KIRREL3: variants seen among roughly 807,000 people sequenced by gnomAD.
KIRREL3 encodes kin of IRRE-like protein 3.
A neutral mutation model predicts 89.7 loss-of-function variants in KIRREL3; 36 were observed. The observed-to-expected ratio is 0.40, with a 90% CI of 0.31 to 0.53. The LOEUF (loss-of-function observed/expected upper bound fraction) is 0.53. Ranked by LOEUF, KIRREL3 falls within the 20% of genes least tolerant of loss-of-function variation. The pLI is 0.49. For synonymous variants in KIRREL3, 445 were observed against 441.4 expected (o/e 1.01, Z -0.10); for missense variants, 864 against 1,056.6 (o/e 0.82, Z 2.53).
chr11:126,602,037 A>G (rs1942681058), intron 1 of KIRREL3, among the ~76,000 whole-genome samples: 1 of 152,136 alleles, frequency 6.6e-6, no homozygotes, highest in South Asian at 2.1e-4. Flanking sequence ...CATGATCAAC[A>G]CCTCGCAGGA....
Position 126,564,635 on chromosome 11 carries a change from G to A in KIRREL3, c.56-1723C>T, listed in dbSNP as rs1055212935. ...CAGGCACCCAAATTGACGATGTTAAGTTCCCTCATTCAAGGCCTTGGCCCT... is the reference window on the plus strand; with the variant it reads ...CAGGCACCCAAATTGACGATGTTAAATTCCCTCATTCAAGGCCTTGGCCCT... On this transcript the variant is annotated intron_variant, in intron 1 of 16. Coordinates refer to ENST00000525144, the MANE Select transcript of KIRREL3 (RefSeq NM_032531.4). The surrounding 1 kb of genome is among the most constrained non-coding windows in gnomAD (Gnocchi z 7.4). 3.3e-5 allele frequency among the ~76,000 whole-genome samples: 5 copies of A among 152,222 alleles called. No individual in the cohort carries two copies. Among genetic ancestry groups the A allele is most frequent in the African/African-American group, 7.2e-5 (3 of 41,452 alleles).
chr11:126,721,782 A>G (rs1948182031), intron 1 of KIRREL3, among the ~76,000 whole-genome samples: 1 of 152,156 alleles, frequency 6.6e-6, no homozygotes, highest in Admixed American at 6.5e-5. Context: ...AAGGATGATA[A>G]CAGGGTGCGT....
chr11:126,670,017 C>G (rs1184776204), intron 1 of KIRREL3, among the ~76,000 whole-genome samples: 10 of 152,312 alleles, frequency 6.6e-5, no homozygotes, highest in African/African-American at 2.4e-4. Flanking sequence ...ATTCCTTCTC[C>G]CAGCACATTC....
chr11:126,799,769 T>A (rs1950973302), intron 1 of KIRREL3, among the ~76,000 whole-genome samples: 1 of 152,008 alleles, frequency 6.6e-6, no homozygotes, highest in Non-Finnish European at 1.5e-5. Flanking sequence ...TAACTTCCAG[T>A]AGAATAATGG....
chr11:126,901,529 C>T lies in KIRREL3; in HGVS notation c.55+98926G>A, dbSNP rs149653682. On this transcript the variant is annotated intron_variant, in intron 1 of 16. Transcript: ENST00000525144. ...AGCACAGGAACAATTCAGTGAGCAA[C>T]GATGGAGGATACTGTCTGCAGAAAG... Among the ~76,000 whole-genome samples, 791 of 152,190 alleles carry T rather than the reference C, an allele frequency of 5.2e-3. 4 individuals carry two copies. Among genetic ancestry groups the T allele is most frequent in the Non-Finnish European group, 8.6e-3 (584 of 68,016 alleles).
intron 1 of KIRREL3, among the ~76,000 whole-genome samples, chr11:126,856,633 T>C (rs1592231441): frequency 6.6e-6 from 1 of 150,760 alleles, no homozygotes; most frequent in African/African-American, 2.4e-5. Flanking sequence ...TTTTTTTCTT[T>C]GAGACCGAGT....
chr11:126,853,534 T>G (rs1340601790), intron 1 of KIRREL3, among the ~76,000 whole-genome samples: 1 of 152,250 alleles, frequency 6.6e-6, no homozygotes, highest in African/African-American at 2.4e-5. Context: ...TTTATCATTT[T>G]GTCAATTTTA....
intron 1 of KIRREL3, among the ~76,000 whole-genome samples, chr11:126,596,213 A>G (rs1315985676): frequency 6.6e-6 from 1 of 152,214 alleles, no homozygotes; most frequent in Admixed American, 6.5e-5. Context: ...GTTCATGCCC[A>G]TGGAGCAACC....
At chr11:127,001,354 C>T (rs1950312353), upstream of KIRREL3, among the ~76,000 whole-genome samples, 2 of 146,040 alleles carry the variant, frequency 1.4e-5, no homozygotes, top group African/African-American at 2.6e-5. Flanking sequence ...ACATTTGGAT[C>T]TTAGTTTGCT....
intron 1 of KIRREL3, among the ~76,000 whole-genome samples, chr11:126,902,332 A>G (rs1946406001): frequency 6.6e-6 from 1 of 152,240 alleles, no homozygotes; most frequent in Non-Finnish European, 1.5e-5. Context: ...GAGGAAGAGG[A>G]TCCCATTGCT....
At position 126,530,798 on chromosome 11, in the gene KIRREL3, C is replaced by A. The variant is rs1958919038; in HGVS notation, c.134-4111G>T. 2.0e-5 allele frequency among the ~76,000 whole-genome samples: 3 copies of A among 152,158 alleles called. No homozygotes were observed. The highest frequency in any genetic ancestry group is 7.2e-5 in the African/African-American group (3 of 41,432). ...TTCCCCTGGTGTGAAGCCTTGGCGG[C>A]CGGTGCAATCTCCCCTTCCCATACT... On this transcript the variant is annotated intron_variant, in intron 2 of 16. Transcript: ENST00000525144. The surrounding 1 kb of genome is among the most constrained non-coding windows in gnomAD (Gnocchi z 5.8).
In KIRREL3 at chr11:126,948,973, A is replaced by G. The variant is rs114385397; in HGVS notation, c.55+51482T>C. 5.1e-3 allele frequency among the ~76,000 whole-genome samples: 781 copies of G among 152,372 alleles called. 6 individuals carry two copies. Among genetic ancestry groups the G allele is most frequent in the African/African-American group, 0.017 (708 of 41,592 alleles). Reference sequence around the variant, plus strand: ...AAACATGCACTGCTCCAGGAAAAGCACCAGGCACAGAGCAAGTGTTTAAAA... The same window carrying G: ...AAACATGCACTGCTCCAGGAAAAGCGCCAGGCACAGAGCAAGTGTTTAAAA... On this transcript the variant is annotated intron_variant, in intron 1 of 16. Coordinates refer to ENST00000525144, the MANE Select transcript of KIRREL3 (RefSeq NM_032531.4). This position sits in a 1 kb window ranked among gnomAD's most constrained non-coding sequence, Gnocchi z 4.5.
At chr11:126,852,673 T>C (rs1944382169) in intron 1 of KIRREL3, among the ~76,000 whole-genome samples, 1 of 152,188 alleles carries the variant, frequency 6.6e-6, no homozygotes, top group South Asian at 2.1e-4. Flanking sequence ...CATATACAAA[T>C]TTAAGACATT....
In KIRREL3 at chr11:126,530,753, T is replaced by G. The variant is rs927795332; in HGVS notation, c.134-4066A>C. Among the ~76,000 whole-genome samples the G allele has an allele frequency of 6.6e-6, 1 of 152,180 alleles. No homozygotes were observed. Among genetic ancestry groups the G allele is most frequent in the African/African-American group, 2.4e-5 (1 of 41,440 alleles). On this transcript the variant is annotated intron_variant, in intron 2 of 16. Coordinates refer to ENST00000525144, the MANE Select transcript of KIRREL3 (RefSeq NM_032531.4). The surrounding 1 kb of genome is among the most constrained non-coding windows in gnomAD (Gnocchi z 5.8). Reference sequence around the variant, plus strand: ...GCCCAGGGTTTCCATCTTCTCCGCTTCGCATTTTCCCTGATGATGTTCCCC... The same window carrying G: ...GCCCAGGGTTTCCATCTTCTCCGCTGCGCATTTTCCCTGATGATGTTCCCC...
At chr11:126,984,819 T>C (rs1949815736) in intron 1 of KIRREL3, among the ~76,000 whole-genome samples, 1 of 152,120 alleles carries the variant, frequency 6.6e-6, no homozygotes, top group African/African-American at 2.4e-5. Context: ...AAGAACCCTC[T>C]AAGCACATAC....
At position 126,664,480 on chromosome 11, in the gene KIRREL3, A is replaced by G. The variant is rs537864065; in HGVS notation, c.56-101568T>C. ...CTACTCTAAATGAAACAGCTCTGTC[A>G]TACTGGGCTAGAGCAATCTCAGGTG... On this transcript the variant is annotated intron_variant, in intron 1 of 16. Coordinates refer to ENST00000525144, the MANE Select transcript of KIRREL3 (RefSeq NM_032531.4). The surrounding 1 kb of genome is among the most constrained non-coding windows in gnomAD (Gnocchi z 5.4). Among the ~76,000 whole-genome samples the G allele has an allele frequency of 1.3e-4, 20 of 152,166 alleles. No individual in the cohort carries two copies. The highest frequency in any genetic ancestry group is 2.1e-4 in the Non-Finnish European group (14 of 68,034).
At chr11:126,992,064 A>G (rs587590) in intron 1 of KIRREL3, among the ~76,000 whole-genome samples, 24,353 of 152,200 alleles carry the variant, frequency 0.16, 2,290 homozygotes, top group Middle Eastern at 0.27. Context: ...TATCATCACC[A>G]TCATCATCAT....
intron 1 of KIRREL3, among the ~76,000 whole-genome samples, chr11:126,701,507 C>A (rs1019474183): frequency 6.6e-6 from 1 of 152,068 alleles, no homozygotes; most frequent in African/African-American, 2.4e-5. Flanking sequence ...AATCTCTCAG[C>A]CTGTGTCGAG....
At chr11:126,478,611 A>G (rs1208247937) in intron 4 of KIRREL3, among the ~76,000 whole-genome samples, 2 of 150,640 alleles carry the variant, frequency 1.3e-5, no homozygotes, top group African/African-American at 4.9e-5. Flanking sequence ...ATATGCATGT[A>G]TATGTGTGTA....
Sources: gnomAD v4.1 joint callset for allele counts (sites outside exome capture counted in the v4.1 genomes callset) on GRCh38, gnomAD v4.1.1 for gene constraint, Gnocchi (gnomAD v3.1) non-coding constraint, MANE v1.5 for transcripts, NCBI Gene and HGNC (gene_info 2026-07-23, HGNC 2026-07-21) for gene names.